LRRC66: variants seen among roughly 807,000 people sequenced by gnomAD.
The protein encoded by LRRC66 is leucine rich repeat containing 66, also known as leucine-rich repeat-containing protein 66.
Under a neutral mutation model 24.6 loss-of-function variants are expected in LRRC66, and 29 were observed. That is an observed-to-expected ratio of 1.18 (90% CI 0.88 to 1.61). The LOEUF (loss-of-function observed/expected upper bound fraction) is 1.61, where lower values mean the gene tolerates loss of function less well. Ranked by LOEUF, LRRC66 falls within the 40% of genes most tolerant of loss-of-function variation. The pLI is 0.00. For synonymous variants in LRRC66, 411 were observed against 397.6 expected (o/e 1.03, Z -0.40); for missense variants, 1,124 against 1,058.0 (o/e 1.06, Z -0.87).
intron 2 of LRRC66, among the ~76,000 whole-genome samples, chr4:52,011,577 C>T (rs1352246242): frequency 6.6e-6 from 1 of 152,042 alleles, no homozygotes; most frequent in Non-Finnish European, 1.5e-5. Context: ...TGCCTGAAAT[C>T]AAGGAAGTTA....
intron 1 of LRRC66, among the ~76,000 whole-genome samples, chr4:52,019,391 T>C (rs1578120895): frequency 6.6e-6 from 1 of 152,334 alleles, no homozygotes; most frequent in South Asian, 2.1e-4. Flanking sequence ...TATCTATCTA[T>C]CTATCCAATG....
At chr4:51,998,111 G>T (rs1289751848) in intron 3 of LRRC66, among the ~76,000 whole-genome samples, 174 bp from the exon 4 acceptor site, 1 of 152,178 alleles carries the variant, frequency 6.6e-6, no homozygotes, top group Non-Finnish European at 1.5e-5. Flanking sequence ...CCCCTAAAAA[G>T]TTTATGAGTC....
rs1394370105 is a variant in LRRC66, at chr4:52,017,053, T to C, written c.496+65A>G. ...CTTGAACCTGAAAACAAATGTGGAA[T>C]TCTTATGAACATGAAACAACTCCAC... On this transcript the variant is annotated intron_variant, in intron 2 of 4. Coordinates refer to ENST00000682860, the MANE Select transcript of LRRC66 (RefSeq NM_001024611.3). 3.3e-6 allele frequency: 5 copies of C among 1,506,036 alleles called. No individual in the cohort carries two copies. In the African/African-American group the frequency reaches 4.2e-5, roughly 13 times the overall value. 93.3% of individuals were successfully genotyped at this position (1,506,036 alleles called of 1,614,324 possible).
At chr4:51,997,986 A>G (rs1417580447) in intron 3 of LRRC66, 49 bp from the exon 4 acceptor site, 1 of 1,497,850 alleles carries the variant, frequency 6.7e-7, no homozygotes, top group Admixed American at 1.8e-5. Flanking sequence ...AAAGACATTT[A>G]CAGATAAAAT....
intron 2 of LRRC66, among the ~76,000 whole-genome samples, chr4:52,014,298 ATTAT>A (rs1736764168): frequency 6.6e-6 from 1 of 152,218 alleles, no homozygotes; most frequent in African/African-American, 2.4e-5. Flanking sequence ...ACAAAAATTA[ATTAT>A]TTGTTTCTAA....
At position 51,997,833 on chromosome 4, in the gene LRRC66, C is replaced by A. The variant is rs1340507232; in HGVS notation, c.771G>T (p.Gln257His). The part of the protein sequence containing the change: ...LVVDLADNNW[Q>H]CDDSVAVFQN... ...GAAAGACTGCCACACTATCATCACA[C>A]TGCCAGTTATTATCAGCCAAGTCAA... Residue 257 changes from glutamine to histidine, a missense_variant, in exon 4 of 5, where the codon CAG becomes CAT. Transcript: ENST00000682860. The A allele has an allele frequency of 6.2e-7, 1 of 1,613,988 alleles. No individual in the cohort carries two copies. The highest frequency in any genetic ancestry group is 1.3e-5 in the African/African-American group (1 of 74,924).
At chr4:52,008,599 G>T (rs1736635131) in intron 2 of LRRC66, among the ~76,000 whole-genome samples, 1 of 151,990 alleles carries the variant, frequency 6.6e-6, no homozygotes, top group Non-Finnish European at 1.5e-5. Flanking sequence ...CGGAAACAAT[G>T]CAAATTCAAA....
chr4:52,014,750 C>A (rs977661784), intron 2 of LRRC66, among the ~76,000 whole-genome samples: 1 of 152,164 alleles, frequency 6.6e-6, no homozygotes, highest in African/African-American at 2.4e-5. Context: ...ATTTAAATCA[C>A]AAAATACTAT....
intron 3 of LRRC66, among the ~76,000 whole-genome samples, chr4:52,000,600 C>G (rs1736426208): frequency 6.6e-6 from 1 of 152,222 alleles, no homozygotes; most frequent in Non-Finnish European, 1.5e-5. Flanking sequence ...AGACTTTCTT[C>G]CTCGATGGCT....
In LRRC66 at chr4:51,995,660, G is replaced by T; in HGVS notation, c.1362C>A (p.Asn454Lys). 6.2e-7 allele frequency: 1 copy of T among 1,614,124 alleles called. No individual in the cohort carries two copies. The highest frequency in any genetic ancestry group is 8.5e-7 in the Non-Finnish European group (1 of 1,180,024). Residue 454 changes from asparagine to lysine, a missense_variant, in exon 5 of 5, where the codon AAC becomes AAA. Physicochemically the swap from Asn to Lys is moderately conservative, Grantham distance 94. Coordinates refer to ENST00000682860, the MANE Select transcript of LRRC66 (RefSeq NM_001024611.3). ...GCTGTGTCACCCAGAAAGGGGTCTG[G>T]TTCTCGTAGAGGCTTAGATGAGGAA... is the stretch of plus-strand genomic sequence containing the variant. ...QVFPHLSLYE[N>K]QTPFWVTQPH...
In LRRC66 at chr4:51,995,728, C is replaced by T. The variant is rs200440025; in HGVS notation, c.1294G>A (p.Ala432Thr). The change falls in exon 5 of 5, where the codon GCG becomes ACG. Residue 432 changes from alanine to threonine, a missense_variant. Ala to Thr is a moderately conservative substitution (Grantham distance 58). Coordinates refer to ENST00000682860, the MANE Select transcript of LRRC66 (RefSeq NM_001024611.3). ...NEGFYDDMEA[A>T]GHTPHPETHL... ...GTCTCTGGGTGTGGTGTGTGCCCCG[C>T]AGCTTCCATGTCATCGTAGAAGCCC... 2.3e-4 allele frequency: 371 copies of T among 1,614,036 alleles called. No homozygotes were observed. Among genetic ancestry groups the T allele is most frequent in the Non-Finnish European group, 2.7e-4 (324 of 1,180,044 alleles).
At chr4:52,010,495 T>C (rs1736675674) in intron 2 of LRRC66, among the ~76,000 whole-genome samples, 1 of 152,164 alleles carries the variant, frequency 6.6e-6, no homozygotes, top group African/African-American at 2.4e-5. Context: ...CTCCTCCTTC[T>C]AGTGGTCCCC....
Position 51,996,140 on chromosome 4 carries a change from A to C in LRRC66, c.882T>G (p.Thr294=), listed in dbSNP as rs753625261. ...TTTCCCTGGAAATCCTGCTCTGGGG[A>C]GTGCCCCCGTTGGCCTCCTCACTCC... ...SIGSEEANGG[T]PQSRISRETR... The change falls in exon 5 of 5, where the codon ACT becomes ACG. Residue 294 remains threonine (T), a synonymous_variant. Transcript: ENST00000682860. 3 of 1,611,586 alleles carry C rather than the reference A, an allele frequency of 1.9e-6. No homozygotes were observed. The highest frequency in any genetic ancestry group is 2.5e-6 in the Non-Finnish European group (3 of 1,178,562).
At position 52,003,348 on chromosome 4, in the gene LRRC66, T is replaced by A; in HGVS notation, c.541A>T (p.Asn181Tyr). The A allele has an allele frequency of 6.2e-7, 1 of 1,613,842 alleles. No individual in the cohort carries two copies. Among genetic ancestry groups the A allele is most frequent in the Non-Finnish European group, 8.5e-7 (1 of 1,179,894 alleles). ...GACCACCCTATTTGCAATATCCCAT[T>A]GAATGACAGATCCAAACTCTGCAAT... ...KSLQSLDLSF[N>Y]GILQIGWSDF... The change falls in exon 3 of 5, where the codon AAT becomes TAT. Residue 181 changes from asparagine to tyrosine, a missense_variant. Coordinates refer to ENST00000682860, the MANE Select transcript of LRRC66 (RefSeq NM_001024611.3).
In LRRC66 at chr4:51,995,516, AT is replaced by A; in HGVS notation, c.1505del (p.Asp502ValfsTer19). The A allele has an allele frequency of 6.2e-7, 1 of 1,614,144 alleles. No individual in the cohort carries two copies. The highest frequency in any genetic ancestry group is 8.5e-7 in the Non-Finnish European group (1 of 1,180,024). ...GDNTGAGSGN[D>X]GAVYSILQRH... is the part of the protein sequence containing the mutation. ...TCTGGAGAATGGAATAGACTGCACC[AT>A]CATTTCCACTTCCTGCCCCGGTGTT... is the stretch of plus-strand genomic sequence containing the variant. On this transcript the variant is annotated frameshift_variant, in exon 5 of 5. Coordinates refer to ENST00000682860, the MANE Select transcript of LRRC66 (RefSeq NM_001024611.3). LOFTEE classifies it low-confidence loss of function (END_TRUNC).
At chr4:52,003,857 A>C (rs1736513303) in intron 2 of LRRC66, among the ~76,000 whole-genome samples, 1 of 152,276 alleles carries the variant, frequency 6.6e-6, no homozygotes, top group African/African-American at 2.4e-5. Context: ...TCAGTTAAAA[A>C]TATAACTTTG....
At chr4:52,017,643 T>C in intron 1 of LRRC66, 25 bp from the exon 2 acceptor site, 1 of 1,505,786 alleles carries the variant, frequency 6.6e-7, no homozygotes, top group South Asian at 1.4e-5. Context: ...ATGAATTGAC[T>C]TATTCACAAT....
At position 52,003,254 on chromosome 4, in the gene LRRC66, G is replaced by A; in HGVS notation, c.635C>T (p.Pro212Leu). 6.2e-7 allele frequency: 1 copy of A among 1,613,058 alleles called. No individual in the cohort carries two copies. Among genetic ancestry groups the A allele is most frequent in the South Asian group, 1.1e-5 (1 of 90,624 alleles). Residue 212 changes from proline to leucine, a missense_variant, in exon 3 of 5, where the codon CCA becomes CTA. Coordinates refer to ENST00000682860, the MANE Select transcript of LRRC66 (RefSeq NM_001024611.3). ...TTTTTTGAGGTCCTTGAAGGCTTGT[G>A]GGGGAATTTTGAATATCTTGTTGCT... ...LKSNKIFKIP[P>L]QAFKDLKKLQ...
rs564243437 is a variant in LRRC66 at position 52,014,578 on chromosome 4, A to G, written c.496+2540T>C. ...TGAAGAACAAAGAAATAGGCCAAAAATAGGGCATGCCCTAGGCAGCATCTC... is the reference window on the plus strand; with the variant it reads ...TGAAGAACAAAGAAATAGGCCAAAAGTAGGGCATGCCCTAGGCAGCATCTC... On this transcript the variant is annotated intron_variant, in intron 2 of 4. Transcript: ENST00000682860. Among the ~76,000 whole-genome samples, 6 of 152,348 alleles carry G rather than the reference A, an allele frequency of 3.9e-5. No individual in the cohort carries two copies. The South Asian group carries it at 6.2e-4, about 16-fold the overall frequency.
Sources: allele counts gnomAD v4.1 joint callset (sites outside exome capture counted in the v4.1 genomes callset), GRCh38; gene constraint gnomAD v4.1.1; transcripts MANE v1.5; gene names NCBI Gene and HGNC (gene_info 2026-07-23, HGNC 2026-07-21).